Variants in SHROOM3 observed in about 807,000 individuals in gnomAD.
SHROOM3 encodes protein Shroom3.
In SHROOM3, 47 loss-of-function variants were observed where a neutral mutation model predicts 138.6. The ratio of observed to expected loss-of-function variants is 0.34; its 90% CI spans 0.27 to 0.43. The LOEUF is 0.43. Ranked by LOEUF, SHROOM3 falls within the 20% of genes least tolerant of loss-of-function variation. The probability of loss-of-function intolerance (pLI) is 1.00; values close to 1 mark genes in which losing one functional copy is unlikely to be tolerated. For missense variants in SHROOM3, 2,491 were observed against 2,596.5 expected, an observed-to-expected ratio of 0.96 and a Z score of 0.88; for synonymous variants, 1,062 against 1,063.3, an observed-to-expected ratio of 1.00 and a Z score of 0.02.
At chr4:76,485,692 G>C (rs184628779) in intron 1 of SHROOM3, among the ~76,000 whole-genome samples, 1 of 152,036 alleles carries the variant, frequency 6.6e-6, no homozygotes, top group Non-Finnish European at 1.5e-5. Context: ...TTTATGTATC[G>C]CCTCTTTGTC....
chr4:76,727,399 T>C (rs542683874), intron 3 of SHROOM3, among the ~76,000 whole-genome samples: 2 of 152,226 alleles, frequency 1.3e-5, no homozygotes, highest in African/African-American at 2.4e-5. Context: ...TTTCTAATCA[T>C]TGGATGGAAC....
At chr4:76,702,080 A>G (rs2110113190) in intron 2 of SHROOM3, among the ~76,000 whole-genome samples, 1 of 152,332 alleles carries the variant, frequency 6.6e-6, no homozygotes, top group African/African-American at 2.4e-5. Flanking sequence ...TTTTGTTTTT[A>G]TGCATATGTT....
At chr4:76,643,908 G>T (rs542235244) in intron 2 of SHROOM3, among the ~76,000 whole-genome samples, 15 of 148,634 alleles carry the variant, frequency 1.0e-4, no homozygotes, top group African/African-American at 3.0e-4. Context: ...GTAATGGCAC[G>T]TTCTCAGCTC....
Position 76,756,464 on chromosome 4 carries a change from T to G in SHROOM3, c.4725T>G (p.Ser1575=). ...EGPRPSFNKL[S]KVTIARERHM... ...TCCCTGGCAGCTTCAACAAACTTTC[T>G]AAAGTGACAATTGCAAGGGAAAGGC... is the stretch of plus-strand genomic sequence containing the variant. The change falls in exon 8 of 11, where the codon TCT becomes TCG. Residue 1575 remains serine, a synonymous_variant. Transcript: ENST00000296043. The G allele has an allele frequency of 6.2e-7, 1 of 1,611,362 alleles. No homozygotes were observed. Among genetic ancestry groups the G allele is most frequent in the South Asian group, 1.1e-5 (1 of 90,630 alleles).
At chr4:76,572,174 G>C (rs1733846025) in intron 2 of SHROOM3, among the ~76,000 whole-genome samples, 1 of 152,156 alleles carries the variant, frequency 6.6e-6, no homozygotes, top group East Asian at 1.9e-4. Flanking sequence ...ACATGGCTAA[G>C]AATAGTAAAT....
chr4:76,756,419 T>TC, intron 7 of SHROOM3, 30 bp from the exon 8 acceptor site: 2 of 975,856 alleles, frequency 2.0e-6, no homozygotes, highest in Non-Finnish European at 2.7e-6. Context: ...CTCTCTCTCT[T>TC]TTTTTTTTTT....
chr4:76,633,588 C>T (rs1424683508), intron 2 of SHROOM3, among the ~76,000 whole-genome samples: 2 of 136,780 alleles, frequency 1.5e-5, no homozygotes, highest in African/African-American at 2.8e-5. Flanking sequence ...ACCCGGGAGG[C>T]GGAGCTTGCA....
Position 76,739,084 on chromosome 4 carries a change from T to C in SHROOM3, c.911T>C (p.Ile304Thr), listed in dbSNP as rs2110133318. 1.9e-6 allele frequency: 3 copies of C among 1,614,198 alleles called. No homozygotes were observed. In the East Asian group the frequency reaches 6.7e-5, roughly 36 times the overall value. The change falls in exon 5 of 11, where the codon ATT becomes ACT. Residue 304 changes from isoleucine to threonine, a missense_variant. Physicochemically the swap from Ile to Thr is moderately conservative, Grantham distance 89 (BLOSUM62 -1). Around this residue, in one of 4 missense-constraint regions of SHROOM3, gnomAD observed 1,733 missense variants for 1,661.6 expected, o/e 1.04. Transcript: ENST00000296043. ...GLLEGMRQAD[I>T]RYVKTVYDTR... ...CTCGAAGGGATGAGGCAGGCAGATATTCGCTATGTCAAGACAGTCTATGAC... is the reference window on the plus strand; with the variant it reads ...CTCGAAGGGATGAGGCAGGCAGATACTCGCTATGTCAAGACAGTCTATGAC...
intron 2 of SHROOM3, among the ~76,000 whole-genome samples, chr4:76,636,574 GA>G (rs1040463609): frequency 7.9e-5 from 12 of 152,150 alleles, no homozygotes; most frequent in Admixed American, 3.9e-4. Context: ...AATTGATGAG[GA>G]AAAAAAATTG....
At chr4:76,555,586 G>A (rs763715833) in intron 1 of SHROOM3, 23 bp from the exon 2 acceptor site, 2 of 1,612,308 alleles carry the variant, frequency 1.2e-6, no homozygotes, top group African/African-American at 1.3e-5. Flanking sequence ...ACTCGTGGCT[G>A]TCGCATCTCT....
At chr4:76,437,116 T>A (rs894593976) in intron 1 of SHROOM3, among the ~76,000 whole-genome samples, 2 of 152,156 alleles carry the variant, frequency 1.3e-5, no homozygotes, top group African/African-American at 4.8e-5. Context: ...CAGAAATAAT[T>A]CCAAAAGGTT....
At chr4:76,554,770 C>G (rs569260221) in intron 1 of SHROOM3, among the ~76,000 whole-genome samples, 1 of 152,182 alleles carries the variant, frequency 6.6e-6, no homozygotes, top group Non-Finnish European at 1.5e-5. Context: ...AGGCCACGGA[C>G]CATTACAGTG....
intron 2 of SHROOM3, among the ~76,000 whole-genome samples, chr4:76,564,897 C>T (rs937546573): frequency 6.6e-6 from 1 of 151,820 alleles, no homozygotes; most frequent in Admixed American, 6.6e-5. Flanking sequence ...TGCGGTGGCT[C>T]ATGCCTGTAA....
chr4:76,552,523 T>C (rs1174832999), intron 1 of SHROOM3, among the ~76,000 whole-genome samples: 1 of 150,740 alleles, frequency 6.6e-6, no homozygotes, highest in Non-Finnish European at 1.5e-5. Context: ...TATCTATATA[T>C]GTATATAGAT....
At chr4:76,458,125 T>C (rs184811601) in intron 1 of SHROOM3, among the ~76,000 whole-genome samples, 2 of 152,324 alleles carry the variant, frequency 1.3e-5, no homozygotes, top group East Asian at 3.9e-4. Context: ...TTACTCAGTC[T>C]CTGACATTTC....
chr4:76,507,413 T>C lies in SHROOM3; in HGVS notation c.169-48196T>C, dbSNP rs150079228. Reference sequence around the variant, plus strand: ...ACATCTTCACCAATACTTGTTATTATGTCTTTTTGATCATAGCTGCCTTAG... The same window carrying C: ...ACATCTTCACCAATACTTGTTATTACGTCTTTTTGATCATAGCTGCCTTAG... On this transcript the variant is annotated intron_variant, in intron 1 of 10. Transcript: ENST00000296043. Among the ~76,000 whole-genome samples, 1,003 of 152,328 alleles carry C rather than the reference T, an allele frequency of 6.6e-3. 12 individuals are homozygous for C. Among genetic ancestry groups the C allele is most frequent in the African/African-American group, 0.023 (967 of 41,568 alleles).
At chr4:76,454,690 A>C (rs866841169) in intron 1 of SHROOM3, among the ~76,000 whole-genome samples, 1 of 151,898 alleles carries the variant, frequency 6.6e-6, no homozygotes, top group Non-Finnish European at 1.5e-5. Context: ...AGGTTTTTTT[A>C]TTTCTGCAGT....
In SHROOM3 at chr4:76,436,192, A is replaced by G; in HGVS notation, c.140A>G (p.Glu47Gly). ...PWGFTLKGGL[E>G]HGEPLIISKV... ...GGTTTTACTCTAAAGGGTGGCCTGG[A>G]GCACGGAGAACCATTAATCATCTCT... The change falls in exon 1 of 11, where the codon GAG (glutamate) becomes GGG (glycine). Residue 47 changes from glutamate (E) to glycine (G), a missense_variant. Physicochemically the swap from Glu to Gly is moderately conservative, Grantham distance 98. Coordinates refer to ENST00000296043, the MANE Select transcript of SHROOM3 (RefSeq NM_020859.4). The G allele has an allele frequency of 6.2e-7, 1 of 1,614,078 alleles. No individual in the cohort carries two copies. The highest frequency in any genetic ancestry group is 1.3e-5 in the African/African-American group (1 of 75,046).
chr4:76,536,543 C>T (rs4859692), intron 1 of SHROOM3, among the ~76,000 whole-genome samples: 102,290 of 151,442 alleles, frequency 0.68, 34,879 homozygotes, highest in East Asian at 0.94. Context: ...AATCAGACAG[C>T]TGACTCTAGA....
Sources: gnomAD v4.1 joint callset for allele counts (sites outside exome capture counted in the v4.1 genomes callset) on GRCh38, gnomAD v4.1.1 for gene constraint, gnomAD v4.1.1 regional missense constraint, MANE v1.5 for transcripts, NCBI Gene and HGNC (gene_info 2026-07-23, HGNC 2026-07-21) for gene names.